The following PRAMEF2 variants were observed in gnomAD, a reference collection of about 807,000 sequenced individuals.
PRAMEF2 encodes the protein PRAME family member 2.
A neutral mutation model predicts 38.0 loss-of-function variants in PRAMEF2; 35 were observed. The observed-to-expected ratio is 0.92, with a 90% confidence interval of 0.70 to 1.22. The LOEUF is 1.22. Among genes scored for constraint, PRAMEF2 ranks in the 50% most tolerant of loss-of-function variants. PRAMEF2 has a pLI of 0.00. For missense variants in PRAMEF2, 562 were observed against 553.9 expected, an observed-to-expected ratio of 1.01 and a Z score of -0.15; for synonymous variants, 240 against 232.4, an observed-to-expected ratio of 1.03 and a Z score of -0.30.
rs577031293 is a variant in PRAMEF2, at chr1:12,858,797, T to G, written c.-25-188T>G. 8.9e-4 allele frequency among the ~76,000 whole-genome samples: 132 copies of G among 149,110 alleles called. 3 individuals are homozygous for G. Among genetic ancestry groups the G allele is most frequent in the African/African-American group, 3.2e-3 (131 of 40,914 alleles). On this transcript the variant is annotated intron_variant, in intron 1 of 3. Coordinates refer to ENST00000240189, the MANE Select transcript of PRAMEF2 (RefSeq NM_023014.1). Reference sequence around the variant, plus strand: ...CTCTTTGACCCCTCCCTCCTTGGTGTTTGGAAGATATTCTTCCTGGTACCA... The same window carrying G: ...CTCTTTGACCCCTCCCTCCTTGGTGGTTGGAAGATATTCTTCCTGGTACCA...
In PRAMEF2 at chr1:12,859,830, G is replaced by C. The variant is rs376055356; in HGVS notation, c.425G>C (p.Gly142Ala). 122 of 1,607,538 alleles carry C rather than the reference G, an allele frequency of 7.6e-5. 3 individuals are homozygous for C. The East Asian group carries it at 1.9e-3, about 26-fold the overall frequency. ...ACAGCAGAGGACTGTCCAAGGACGG[G>C]AGAGCACCAGCCCTTAAAGGTGTTC... ...RQTAEDCPRTGEHQPLKVFID... is the reference protein window; with the variant it reads ...RQTAEDCPRTAEHQPLKVFID... Residue 142 changes from glycine to alanine, a missense_variant, in exon 3 of 4, where the codon GGA becomes GCA. This residue lies in a region of PRAMEF2 where 486 missense variants were observed against 444.2 expected (regional missense o/e 1.09). Transcript: ENST00000240189.
chr1:12,857,859 C>T (rs1357138086), intron 1 of PRAMEF2, among the ~76,000 whole-genome samples: 1 of 147,138 alleles, frequency 6.8e-6, no homozygotes, highest in African/African-American at 2.5e-5. Flanking sequence ...CCACCATGCC[C>T]AGCTAATTTT....
chr1:12,858,912 T>C (rs1213608122), intron 1 of PRAMEF2, 73 bp from the exon 2 acceptor site: 3 of 1,482,776 alleles, frequency 2.0e-6, no homozygotes, highest in East Asian at 4.5e-5. Flanking sequence ...AGCAATGATA[T>C]TGGTCCTAGG....
intron 3 of PRAMEF2, 94 bp from the exon 4 acceptor site, chr1:12,861,127 G>A (rs1640540834): frequency 9.4e-6 from 13 of 1,384,420 alleles, no homozygotes; most frequent in South Asian, 1.3e-5. Context: ...ACAAACTTGT[G>A]TTTGGTTGAA....
Position 12,860,105 on chromosome 1 carries a change from CTT to C in PRAMEF2, c.702_703del (p.Cys235GlnfsTer14), listed in dbSNP as rs771542563. 2 of 1,606,756 alleles carry C rather than the reference CTT, an allele frequency of 1.2e-6. No homozygotes were observed. The highest frequency in any genetic ancestry group is 1.7e-6 in the Non-Finnish European group (2 of 1,176,470). ...LYCYLKEMKTLCKLVFSRCHH... is the reference protein window; with the variant it reads ...LYCYLKEMKTXCKLVFSRCHH... ...TTGTTACCTGAAGGAGATGAAGACT[CTT>C]TGCAAACTCGTTTTCTCCAGGTGCC... On this transcript the variant is annotated frameshift_variant, in exon 3 of 4. Coordinates refer to ENST00000240189, the MANE Select transcript of PRAMEF2 (RefSeq NM_023014.1). LOFTEE classifies it high-confidence loss of function.
chr1:12,860,853 C>A (rs12562856), intron 3 of PRAMEF2, among the ~76,000 whole-genome samples: 16,919 of 149,114 alleles, frequency 0.11, 1,384 homozygotes, highest in African/African-American at 0.13. Flanking sequence ...GTCAGGGAGC[C>A]CCTGCCGACA....
At position 12,857,373 on chromosome 1, in the gene PRAMEF2, T is replaced by A. The variant is rs979231216; in HGVS notation, c.-26+226T>A. On this transcript the variant is annotated intron_variant, in intron 1 of 3. Transcript: ENST00000240189. The stretch of plus-strand genomic sequence containing the variant: ...AAAATTCTTATGGAAGCAGGTTTTT[T>A]AAAAATATATTAAAACTTTACAGTG... Among the ~76,000 whole-genome samples, 42 of 149,470 alleles carry A rather than the reference T, an allele frequency of 2.8e-4. 2 individuals carry two copies. Among genetic ancestry groups the A allele is most frequent in the Middle Eastern group, 3.5e-3 (1 of 286 alleles).
At chr1:12,859,651 A>T (rs200021090) in intron 2 of PRAMEF2, 42 bp from the exon 3 acceptor site, 1 of 1,604,330 alleles carries the variant, frequency 6.2e-7, no homozygotes, top group East Asian at 2.2e-5. Flanking sequence ...GTCAGGGATG[A>T]GTCCCTCTAA....
intron 1 of PRAMEF2, 75 bp from the exon 2 acceptor site, chr1:12,858,910 T>G: frequency 1.4e-6 from 2 of 1,471,560 alleles, no homozygotes; most frequent in African/African-American, 1.4e-5. Flanking sequence ...AGAGCAATGA[T>G]ATTGGTCCTA....
chr1:12,857,591 G>A (rs1216177757), intron 1 of PRAMEF2, among the ~76,000 whole-genome samples: 1 of 139,974 alleles, frequency 7.1e-6, no homozygotes, highest in Non-Finnish European at 1.5e-5. Context: ...CCCTAGGATC[G>A]ATCCATCAAA....
chr1:12,860,550 G>A (rs1455589700), intron 3 of PRAMEF2, among the ~76,000 whole-genome samples: 10 of 149,618 alleles, frequency 6.7e-5, no homozygotes, highest in African/African-American at 1.7e-4. Flanking sequence ...GGGGGTGCAC[G>A]TGTGAATTTC....
rs778071764 is a variant in PRAMEF2 at position 12,861,315 on chromosome 1, T to G, written c.961T>G (p.Tyr321Asp). Reference sequence around the variant, plus strand: ...TCTCTCCCAGTTCCCAAGCCTCGGTTACCTAAAGCATCTGAATCTCAGCTA... The same window carrying G: ...TCTCTCCCAGTTCCCAAGCCTCGGTGACCTAAAGCATCTGAATCTCAGCTA... The part of the protein sequence containing the change: ...KCLSQFPSLG[Y>D]LKHLNLSYVL... Residue 321 changes from tyrosine (Y) to aspartate (D), a missense_variant, in exon 4 of 4, where the codon TAC (tyrosine) becomes GAC (aspartate). Tyr to Asp is a radical substitution (Grantham distance 160). Coordinates refer to ENST00000240189, the MANE Select transcript of PRAMEF2 (RefSeq NM_023014.1). The G allele has an allele frequency of 1.2e-6, 2 of 1,607,082 alleles. No homozygotes were observed. The highest frequency in any genetic ancestry group is 1.7e-6 in the Non-Finnish European group (2 of 1,176,704).
intron 1 of PRAMEF2, among the ~76,000 whole-genome samples, chr1:12,857,548 C>T (rs1327645531): frequency 7.1e-6 from 1 of 141,520 alleles, no homozygotes; most frequent in South Asian, 2.2e-4. Context: ...CTCAAGAGTG[C>T]AGTTTTGCTC....
intron 3 of PRAMEF2, among the ~76,000 whole-genome samples, chr1:12,860,521 TG>T (rs974067062): frequency 1.4e-5 from 2 of 143,298 alleles, no homozygotes; most frequent in Non-Finnish European, 3.0e-5. Context: ...AGCTAGTCAG[TG>T]GGGGTTTCAG....
intron 3 of PRAMEF2, 28 bp downstream of exon 3, chr1:12,860,299 C>T (rs551992646): frequency 1.9e-6 from 3 of 1,604,292 alleles, no homozygotes; most frequent in Non-Finnish European, 2.6e-6. Flanking sequence ...ACTTTGTATG[C>T]AGACCACAGC....
rs757111147 is a variant in PRAMEF2 at position 12,861,371 on chromosome 1, C to T, written c.1017C>T (p.Pro339=). 3 of 1,606,154 alleles carry T rather than the reference C, an allele frequency of 1.9e-6. No homozygotes were observed. The highest frequency in any genetic ancestry group is 2.2e-5 in the East Asian group (1 of 44,618). The change falls in exon 4 of 4, where the codon CCC becomes CCT. Residue 339 remains proline (P), a synonymous_variant. Coordinates refer to ENST00000240189, the MANE Select transcript of PRAMEF2 (RefSeq NM_023014.1). ...TGCTGTTCCGCATCAGTCTTGAACC[C>T]CTAGGAGCTCTGCTAGAGAAAATTG... is the stretch of plus-strand genomic sequence containing the variant. ...YVLLFRISLE[P]LGALLEKIAA... is the part of the protein sequence containing the mutation.
In PRAMEF2 at chr1:12,859,767, C is replaced by A. The variant is rs1250401171; in HGVS notation, c.362C>A (p.Ala121Asp). Residue 121 changes from alanine to aspartate, a missense_variant, in exon 3 of 4, where the codon GCC becomes GAC. By Grantham distance (126) the Ala-to-Asp change is moderately radical. Around this residue, in one of 2 missense-constraint regions of PRAMEF2, gnomAD observed 486 missense variants for 444.2 expected, o/e 1.09. Coordinates refer to ENST00000240189, the MANE Select transcript of PRAMEF2 (RefSeq NM_023014.1). Reference protein sequence around the residue: ...NFWARWPGAWALSCFPEAMSK... With the variant: ...NFWARWPGAWDLSCFPEAMSK... ...TGGGCCAGATGGCCTGGAGCCTGGG[C>A]CCTGTCCTGCTTCCCAGAGGCCATG... The A allele has an allele frequency of 6.2e-7, 1 of 1,606,524 alleles. No individual in the cohort carries two copies. The highest frequency in any genetic ancestry group is 1.7e-5 in the Admixed American group (1 of 58,408).
At position 12,859,943 on chromosome 1, in the gene PRAMEF2, C is replaced by G; in HGVS notation, c.538C>G (p.Leu180Val). ...TTACCAAAGGAGAGGTTTAGTACAC[C>G]TGTGCTGTAGTAAGCTGGTCAATTA... ...WVYQRRGLVH[L>V]CCSKLVNYLT... Residue 180 changes from leucine (L) to valine (V), a missense_variant, in exon 3 of 4, where the codon CTG becomes GTG. Leu to Val is a conservative substitution (Grantham distance 32). This residue lies in a region of PRAMEF2 where 486 missense variants were observed against 444.2 expected (regional missense o/e 1.09). Coordinates refer to ENST00000240189, the MANE Select transcript of PRAMEF2 (RefSeq NM_023014.1). 6 of 1,608,448 alleles carry G rather than the reference C, an allele frequency of 3.7e-6. No homozygotes were observed. Among genetic ancestry groups the G allele is most frequent in the Non-Finnish European group, 5.1e-6 (6 of 1,177,200 alleles).
chr1:12,858,280 A>G (rs1361366194), intron 1 of PRAMEF2, among the ~76,000 whole-genome samples: 6 of 149,750 alleles, frequency 4.0e-5, no homozygotes, highest in African/African-American at 1.5e-4. Flanking sequence ...TTTTTGAGTC[A>G]GAGTCCAACG....
Sources: allele counts gnomAD v4.1 joint callset (sites outside exome capture counted in the v4.1 genomes callset), GRCh38; gene constraint gnomAD v4.1.1; regional missense constraint gnomAD v4.1.1; transcripts MANE v1.5; gene names NCBI Gene and HGNC (gene_info 2026-07-23, HGNC 2026-07-21).